Variants in RBFOX1 observed in about 807,000 individuals in gnomAD.
RBFOX1 encodes the protein RNA binding protein fox-1 homolog 1.
In RBFOX1, 8 loss-of-function variants were observed where a neutral mutation model predicts 57.7. The ratio of observed to expected loss-of-function variants is 0.14; its 90% CI spans 0.08 to 0.25. The LOEUF is 0.25. Ranked by LOEUF, RBFOX1 falls within the 10% of genes least tolerant of loss-of-function variation. The pLI, the probability that RBFOX1 is intolerant of heterozygous loss-of-function variation, is 1.00. For synonymous variants in RBFOX1, 326 were observed against 222.4 expected, an observed-to-expected ratio of 1.47 and a Z score of -4.15; for missense variants, 611 against 548.5, an observed-to-expected ratio of 1.11 and a Z score of -1.14.
intron 4 of RBFOX1, among the ~76,000 whole-genome samples, chr16:7,293,282 C>G (rs1215425834): frequency 2.6e-5 from 4 of 152,068 alleles, no homozygotes; most frequent in African/African-American, 9.7e-5. Flanking sequence ...ATTAGTAAAC[C>G]TAGAAGATGA....
intron 4 of RBFOX1, among the ~76,000 whole-genome samples, chr16:7,086,625 G>C (rs1670322164): frequency 6.6e-6 from 1 of 152,128 alleles, no homozygotes; most frequent in Non-Finnish European, 1.5e-5. Context: ...CAAGCCGATG[G>C]ATTTTGTAAG....
intron 4 of RBFOX1, among the ~76,000 whole-genome samples, chr16:7,479,419 G>A (rs561371349): frequency 5.5e-4 from 84 of 152,128 alleles, no homozygotes; most frequent in African/African-American, 2.0e-3. Flanking sequence ...TATGAGCCGG[G>A]GTGCCTGGCC....
chr16:6,417,957 G>T (rs1216675706), intron 2 of RBFOX1, among the ~76,000 whole-genome samples: 1 of 149,180 alleles, frequency 6.7e-6, no homozygotes, highest in Non-Finnish European at 1.5e-5. Flanking sequence ...CTAATCCTTG[G>T]GGAGTGCTCA....
chr16:6,631,593 G>A (rs1280997339), intron 2 of RBFOX1, among the ~76,000 whole-genome samples: 1 of 152,128 alleles, frequency 6.6e-6, no homozygotes, highest in Non-Finnish European at 1.5e-5. Flanking sequence ...TGCTTTCATG[G>A]AGCTAAGAAG....
chr16:5,485,345 CAAAAAAA>C (rs71142624), intron 2 of RBFOX1, among the ~76,000 whole-genome samples: 6 of 51,692 alleles, frequency 1.2e-4, no homozygotes, highest in Admixed American at 6.1e-4. Context: ...GACTCCGTGT[CAAAAAAA>C]AAAAAAAAAA....
intron 4 of RBFOX1, among the ~76,000 whole-genome samples, chr16:7,449,725 T>TGG (rs1157106153): frequency 1.1e-4 from 8 of 71,238 alleles, no homozygotes; most frequent in Admixed American, 2.9e-4. Context: ...TGTGTGTGTG[T>TGG]GTGTGGGGGG....
At chr16:6,904,603 A>C (rs1341662791) in intron 3 of RBFOX1, among the ~76,000 whole-genome samples, 4 of 126,550 alleles carry the variant, frequency 3.2e-5, no homozygotes, top group East Asian at 2.0e-4. Flanking sequence ...TCTCTCTAAA[A>C]AAAAAAAAAA....
intron 3 of RBFOX1, among the ~76,000 whole-genome samples, chr16:6,829,363 G>T (rs943351952): frequency 1.3e-5 from 2 of 150,936 alleles, no homozygotes; most frequent in African/African-American, 2.4e-5. Context: ...AATTCAATGT[G>T]TACACACACA....
At chr16:7,273,392 G>A (rs542355429) in intron 4 of RBFOX1, among the ~76,000 whole-genome samples, 1 of 152,134 alleles carries the variant, frequency 6.6e-6, no homozygotes, top group Admixed American at 6.5e-5. Context: ...TGATATTCTG[G>A]ATAATGGCTT....
At chr16:6,803,412 G>C (rs2085963451) in intron 3 of RBFOX1, among the ~76,000 whole-genome samples, 1 of 152,158 alleles carries the variant, frequency 6.6e-6, no homozygotes, top group Admixed American at 6.5e-5. Flanking sequence ...CCAGTGAAGG[G>C]AGAAAGTGAG....
chr16:5,491,453 A>T (rs953550046), intron 2 of RBFOX1, among the ~76,000 whole-genome samples: 1 of 152,228 alleles, frequency 6.6e-6, no homozygotes, highest in African/African-American at 2.4e-5. Flanking sequence ...ATATTCACCA[A>T]GTGTCATGTA....
intron 3 of RBFOX1, among the ~76,000 whole-genome samples, chr16:6,727,086 A>AC (rs1568371108): frequency 1.7e-3 from 30 of 17,486 alleles, no homozygotes; most frequent in African/African-American, 2.5e-3. Context: ...GAGACACACA[A>AC]AACACACACA....
chr16:7,035,135 G>A (rs772172881), intron 3 of RBFOX1, among the ~76,000 whole-genome samples: 5 of 151,694 alleles, frequency 3.3e-5, no homozygotes, highest in Non-Finnish European at 5.9e-5. Flanking sequence ...GGTGTGAGCC[G>A]CTGCACCGGG....
chr16:7,319,376 T>A (rs1005355941), intron 4 of RBFOX1, among the ~76,000 whole-genome samples: 3 of 152,182 alleles, frequency 2.0e-5, no homozygotes, highest in African/African-American at 7.2e-5. Flanking sequence ...CCTAACCAGC[T>A]CAATAAGTTT....
intron 4 of RBFOX1, among the ~76,000 whole-genome samples, chr16:7,197,683 A>G (rs541787083): frequency 2.0e-5 from 3 of 152,206 alleles, no homozygotes; most frequent in African/African-American, 4.8e-5. Context: ...TCAACTGTCC[A>G]TCACCAGGTG....
chr16:6,909,374 C>T (rs994609162), intron 3 of RBFOX1, among the ~76,000 whole-genome samples: 1 of 152,172 alleles, frequency 6.6e-6, no homozygotes, highest in Non-Finnish European at 1.5e-5. Context: ...CCTGGATAAT[C>T]CTGGCAACTC....
At chr16:5,713,281 T>C (rs2051563387) in intron 3 of RBFOX1, among the ~76,000 whole-genome samples, 1 of 152,124 alleles carries the variant, frequency 6.6e-6, no homozygotes, top group Non-Finnish European at 1.5e-5. Flanking sequence ...TCGGTAACCT[T>C]TGAGCGATGA....
At chr16:7,131,288 G>C (rs1318325609) in intron 4 of RBFOX1, among the ~76,000 whole-genome samples, 2 of 147,756 alleles carry the variant, frequency 1.4e-5, no homozygotes, top group Admixed American at 6.8e-5. Flanking sequence ...GGAGGTTGCA[G>C]TGAGCCAAGA....
chr16:5,280,525 T>G (rs947525667), intron 1 of RBFOX1, among the ~76,000 whole-genome samples: 2 of 152,220 alleles, frequency 1.3e-5, no homozygotes, highest in Admixed American at 1.3e-4. Flanking sequence ...TGTTTTTCTT[T>G]ATAAATTGGG....
Sources: allele counts gnomAD v4.1 joint callset (sites outside exome capture counted in the v4.1 genomes callset), GRCh38; gene constraint gnomAD v4.1.1; transcripts MANE v1.5; gene names NCBI Gene and HGNC (gene_info 2026-07-23, HGNC 2026-07-21).